NIPAL3: variants seen among roughly 807,000 people sequenced by gnomAD.
The protein encoded by NIPAL3 is NIPA like domain containing 3, also known as NIPA-like protein 3.
In NIPAL3, 41 loss-of-function variants were observed where a neutral mutation model predicts 47.2. The observed-to-expected ratio is 0.87, with a 90% CI of 0.68 to 1.13. The LOEUF (loss-of-function observed/expected upper bound fraction) is 1.13. NIPAL3 is among the 50% of genes most tolerant of loss of function. The pLI is 0.00. For synonymous variants in NIPAL3, 194 were observed against 209.6 expected, an observed-to-expected ratio of 0.93 and a Z score of 0.64; for missense variants, 449 against 530.1, an observed-to-expected ratio of 0.85 and a Z score of 1.50.
At chr1:24,436,572 T>C (rs6676218) in intron 2 of NIPAL3, among the ~76,000 whole-genome samples, 64,700 of 151,408 alleles carry the variant, frequency 0.43, 15,133 homozygotes, top group African/African-American at 0.64. Context: ...CTCTGCAACC[T>C]CTGCCTCCTG....
At chr1:24,417,443 G>T (rs1644110895) in intron 1 of NIPAL3, among the ~76,000 whole-genome samples, 1 of 152,222 alleles carries the variant, frequency 6.6e-6, no homozygotes, top group Admixed American at 6.5e-5. Flanking sequence ...TTACAGAAAT[G>T]TAACACAATA....
rs1646884519 is a variant in NIPAL3 at position 24,471,058 on chromosome 1, C to A, written c.*1873C>A. 6.6e-6 allele frequency: 1 copy of A among 152,196 alleles called. No individual in the cohort carries two copies. The highest frequency in any genetic ancestry group is 6.5e-5 in the Admixed American group (1 of 15,278). The allele number at this position is 152,196 out of a possible 1,614,324, so 9.4% of individuals were successfully genotyped here. ...CCACAGAAAATGACCGTCATGGAGA[C>A]CCTGCTAAAGGTCGGACCCTGAGCC... On this transcript the variant is annotated 3_prime_UTR_variant, in exon 12 of 12. Coordinates refer to ENST00000374399, the MANE Select transcript of NIPAL3 (RefSeq NM_020448.5).
At chr1:24,442,970 T>C (rs1008629269) in intron 4 of NIPAL3, among the ~76,000 whole-genome samples, 11 of 152,248 alleles carry the variant, frequency 7.2e-5, no homozygotes, top group African/African-American at 1.4e-4. Flanking sequence ...ACCTCATCTA[T>C]TGAAAAAACA....
At chr1:24,422,994 T>G (rs1409483992) in intron 2 of NIPAL3, among the ~76,000 whole-genome samples, 1 of 152,186 alleles carries the variant, frequency 6.6e-6, no homozygotes, top group East Asian at 1.9e-4. Context: ...AACAGAACAT[T>G]ACTAGTACCC....
intron 11 of NIPAL3, among the ~76,000 whole-genome samples, chr1:24,466,696 T>C (rs1646712245): frequency 6.6e-6 from 1 of 152,124 alleles, no homozygotes; most frequent in African/African-American, 2.4e-5. Flanking sequence ...AATAAACCCA[T>C]ATTTGTTAGA....
intron 2 of NIPAL3, among the ~76,000 whole-genome samples, chr1:24,439,202 A>G (rs1645265161): frequency 6.6e-6 from 1 of 152,236 alleles, no homozygotes; most frequent in African/African-American, 2.4e-5. Flanking sequence ...AGTTAAATGA[A>G]AAATTAATAA....
At chr1:24,415,745 C>A, upstream of NIPAL3, 1 of 731,096 alleles carries the variant, frequency 1.4e-6, no homozygotes, top group Non-Finnish European at 1.7e-6. Context: ...GGCAGGCAGT[C>A]TGGCAAATCA....
upstream of NIPAL3, chr1:24,415,766 T>G: frequency 1.1e-6 from 1 of 917,662 alleles, no homozygotes; most frequent in Non-Finnish European, 1.3e-6. Context: ...AATCGCGACC[T>G]TTGAAAGCAA....
In NIPAL3 at chr1:24,472,171, G is replaced by C. The variant is rs1018590959; in HGVS notation, c.*2986G>C. The C allele has an allele frequency of 2.0e-5, 3 of 152,152 alleles. No individual in the cohort carries two copies. Among genetic ancestry groups the C allele is most frequent in the African/African-American group, 7.2e-5 (3 of 41,414 alleles). The allele number at this position is 152,152 out of a possible 1,614,324, so 9.4% of individuals were successfully genotyped here. On this transcript the variant is annotated 3_prime_UTR_variant, in exon 12 of 12. Coordinates refer to ENST00000374399, the MANE Select transcript of NIPAL3 (RefSeq NM_020448.5). Reference sequence around the variant, plus strand: ...GGCCTGGGAAGCTCCCTTGCCTTCGGGTTTGGAGCAGTGGCATCATCCCAC... The same window carrying C: ...GGCCTGGGAAGCTCCCTTGCCTTCGCGTTTGGAGCAGTGGCATCATCCCAC...
intron 2 of NIPAL3, chr1:24,433,115 A>T (rs1369863810): frequency 1.3e-5 from 2 of 152,208 alleles, no homozygotes; most frequent in African/African-American, 4.8e-5. Flanking sequence ...TGCCCTGAGG[A>T]GTAAGTACCG....
At chr1:24,425,981 A>G (rs1161054700) in intron 2 of NIPAL3, among the ~76,000 whole-genome samples, 3 of 152,224 alleles carry the variant, frequency 2.0e-5, no homozygotes. Context: ...AATCATCATC[A>G]TAAAAGCAAC....
chr1:24,426,212 A>T (rs1557488649), intron 2 of NIPAL3, among the ~76,000 whole-genome samples: 2 of 151,830 alleles, frequency 1.3e-5, no homozygotes, highest in African/African-American at 4.8e-5. Flanking sequence ...AGACTGCAGC[A>T]TGGGTAGAGT....
At chr1:24,424,311 G>A (rs1644473274) in intron 2 of NIPAL3, among the ~76,000 whole-genome samples, 2 of 152,166 alleles carry the variant, frequency 1.3e-5, no homozygotes, top group African/African-American at 4.8e-5. Flanking sequence ...AGCTCCTGTT[G>A]CCTTATCTGT....
chr1:24,466,082 G>A (rs1207102341), intron 11 of NIPAL3: 1 of 1,611,368 alleles, frequency 6.2e-7, no homozygotes, highest in Non-Finnish European at 8.5e-7. Flanking sequence ...AATTTGGAGA[G>A]CCTTTGAGTA....
chr1:24,461,815 G>A (rs932507238), intron 10 of NIPAL3, among the ~76,000 whole-genome samples: 4 of 151,954 alleles, frequency 2.6e-5, no homozygotes, highest in Admixed American at 2.6e-4. Context: ...GTTGCAGTGA[G>A]CTGAGATCAT....
chr1:24,414,235 A>G, upstream of NIPAL3: 1 of 151,932 alleles, frequency 6.6e-6, no homozygotes, highest in Non-Finnish European at 1.5e-5. Context: ...TAGTAGAGAC[A>G]GGGTTTCACC....
intron 2 of NIPAL3, among the ~76,000 whole-genome samples, chr1:24,429,580 C>T (rs544524462): frequency 3.9e-5 from 6 of 152,254 alleles, no homozygotes; most frequent in Admixed American, 2.6e-4. Flanking sequence ...CACTCAGAAC[C>T]GGAAGAGGTT....
At chr1:24,426,253 G>A (rs1338603355) in intron 2 of NIPAL3, among the ~76,000 whole-genome samples, 1 of 151,668 alleles carries the variant, frequency 6.6e-6, no homozygotes, top group African/African-American at 2.4e-5. Context: ...CCTTATGCCT[G>A]TGTATGTTAA....
At chr1:24,457,421 G>A (rs1646264568) in intron 8 of NIPAL3, among the ~76,000 whole-genome samples, 1 of 152,186 alleles carries the variant, frequency 6.6e-6, no homozygotes, top group African/African-American at 2.4e-5. Flanking sequence ...ACTCAGCAGC[G>A]CACAAGGCTG....
Sources: gnomAD v4.1 joint callset for allele counts (sites outside exome capture counted in the v4.1 genomes callset) on GRCh38, gnomAD v4.1.1 for gene constraint, MANE v1.5 for transcripts, NCBI Gene and HGNC (gene_info 2026-07-23, HGNC 2026-07-21) for gene names.